Variants in PKNOX2 observed in about 807,000 individuals in gnomAD.
The protein encoded by PKNOX2 is PBX/knotted 1 homeobox 2, also known as homeobox protein PKNOX2.
PKNOX2 carries 14 observed loss-of-function variants against 53.1 expected under a neutral mutation model. The ratio of observed to expected loss-of-function variants is 0.26; its 90% CI spans 0.17 to 0.41. The LOEUF (loss-of-function observed/expected upper bound fraction) is 0.41. PKNOX2 is among the 10% of genes least tolerant of loss of function. PKNOX2 has a pLI of 1.00. For synonymous variants in PKNOX2, 257 were observed against 242.8 expected (o/e 1.06, Z -0.54); for missense variants, 496 against 602.8 (o/e 0.82, Z 1.85).
At chr11:125,176,496 G>A (rs532092715) in intron 1 of PKNOX2, among the ~76,000 whole-genome samples, 9 of 152,350 alleles carry the variant, frequency 5.9e-5, no homozygotes, top group Admixed American at 3.3e-4. Flanking sequence ...CCAGGAAGCC[G>A]TGAGGGCCTC....
intron 1 of PKNOX2, among the ~76,000 whole-genome samples, chr11:125,210,837 G>A (rs748619718): frequency 2.0e-5 from 3 of 152,104 alleles, no homozygotes; most frequent in Non-Finnish European, 4.4e-5. Context: ...CTTTACAGGG[G>A]TAAAAGGATA....
At chr11:125,289,267 A>G (rs553856198) in intron 2 of PKNOX2, among the ~76,000 whole-genome samples, 5 of 152,186 alleles carry the variant, frequency 3.3e-5, no homozygotes, top group Non-Finnish European at 7.3e-5. Context: ...GCCTCCCCTC[A>G]TGACTGACTG....
chr11:125,211,668 C>T (rs979720773), intron 1 of PKNOX2, among the ~76,000 whole-genome samples: 1 of 152,094 alleles, frequency 6.6e-6, no homozygotes, highest in African/African-American at 2.4e-5. Flanking sequence ...GCTTCCAGCT[C>T]AGGCCCAGCT....
intron 2 of PKNOX2, among the ~76,000 whole-genome samples, chr11:125,238,483 C>T (rs988477792): frequency 6.6e-6 from 1 of 152,100 alleles, no homozygotes; most frequent in African/African-American, 2.4e-5. Context: ...AAGAGGAATA[C>T]CCTAGGAAGT....
rs762099105 is a variant in PKNOX2, at chr11:125,431,343, C to T, written c.1370C>T (p.Thr457Met). Residue 457 changes from threonine to methionine, a missense_variant, in exon 13 of 13, where the codon ACG (threonine) becomes ATG (methionine). Physicochemically the swap from Thr to Met is moderately conservative, Grantham distance 81. Around this residue, in one of 5 missense-constraint regions of PKNOX2, gnomAD observed 139 missense variants for 161.3 expected, o/e 0.86. Coordinates refer to ENST00000298282, the MANE Select transcript of PKNOX2 (RefSeq NM_001382323.2). ...ELEEEVDELQ[T>M]TNVSDLGLEH... ...GAGGAGGAGGTCGACGAGCTGCAGA[C>T]GACAAATGTCAGCGACCTGGGCTTG... 36 of 1,613,436 alleles carry T rather than the reference C, an allele frequency of 2.2e-5. No homozygotes were observed. The highest frequency in any genetic ancestry group is 1.6e-4 in the Middle Eastern group (1 of 6,082).
At chr11:125,313,705 C>T (rs957061773) in intron 2 of PKNOX2, among the ~76,000 whole-genome samples, 1 of 152,140 alleles carries the variant, frequency 6.6e-6, no homozygotes, top group Non-Finnish European at 1.5e-5. Context: ...TACTGTCTAA[C>T]GTGGCAGCTG....
intron 2 of PKNOX2, among the ~76,000 whole-genome samples, chr11:125,273,167 G>A (rs1429150542): frequency 1.3e-5 from 2 of 152,218 alleles, no homozygotes; most frequent in African/African-American, 2.4e-5. Context: ...CAGGCTCAGA[G>A]TTCAGGGATG....
chr11:125,429,938 A>ACCTCT, intron 11 of PKNOX2, 25 bp from the exon 12 acceptor site: 1 of 1,608,354 alleles, frequency 6.2e-7, no homozygotes, highest in Non-Finnish European at 8.5e-7. Context: ...ATGACTAACC[A>ACCTCT]GGTCTCCACT....
chr11:125,429,203 C>T (rs1423415246), intron 11 of PKNOX2, 115 bp downstream of exon 11: 9 of 1,017,760 alleles, frequency 8.8e-6, no homozygotes, highest in Non-Finnish European at 1.3e-5. Context: ...AATCTCAGCC[C>T]AGCTACCATG....
intron 2 of PKNOX2, among the ~76,000 whole-genome samples, chr11:125,279,070 G>A (rs891869398): frequency 6.6e-6 from 1 of 152,214 alleles, no homozygotes; most frequent in African/African-American, 2.4e-5. Context: ...CTGGCTTGGC[G>A]GGACTATTGG....
At chr11:125,279,190 G>T (rs1345749718) in intron 2 of PKNOX2, among the ~76,000 whole-genome samples, 1 of 152,182 alleles carries the variant, frequency 6.6e-6, no homozygotes, top group African/African-American at 2.4e-5. Context: ...TGCCTGTGTG[G>T]CAACATGTAG....
In PKNOX2 at chr11:125,429,219, C is replaced by G. The variant is rs1443779271; in HGVS notation, c.1013+131C>G. ...ATCTCAGCCCAGCTACCATGCCAGT[C>G]CCCCCATTTAGGCTAGAAGCAGAAA... On this transcript the variant is annotated intron_variant, in intron 11 of 12. Coordinates refer to ENST00000298282, the MANE Select transcript of PKNOX2 (RefSeq NM_001382323.2). 2.2e-5 allele frequency: 19 copies of G among 867,246 alleles called. No homozygotes were observed. The East Asian group carries it at 5.2e-4, about 24-fold the overall frequency. The allele number at this position is 867,246 out of a possible 1,614,324, so 53.7% of individuals were successfully genotyped here.
chr11:125,317,986 G>T (rs1486228379), intron 2 of PKNOX2, among the ~76,000 whole-genome samples: 1 of 152,162 alleles, frequency 6.6e-6, no homozygotes. Flanking sequence ...AGGTCTTCTG[G>T]ATAACTTGAT....
At chr11:125,249,219 T>C (rs1228939788) in intron 2 of PKNOX2, among the ~76,000 whole-genome samples, 1 of 151,984 alleles carries the variant, frequency 6.6e-6, no homozygotes, top group Non-Finnish European at 1.5e-5. Context: ...TATGTGTGGC[T>C]GGACTCATAC....
chr11:125,431,304 A>T lies in PKNOX2; in HGVS notation c.1331A>T (p.Glu444Val). The T allele has an allele frequency of 6.2e-7, 1 of 1,613,468 alleles. No individual in the cohort carries two copies. Among genetic ancestry groups the T allele is most frequent in the Middle Eastern group, 1.6e-4 (1 of 6,062 alleles). Residue 444 changes from glutamate (E) to valine (V), a missense_variant, in exon 13 of 13, where the codon GAG (glutamate) becomes GTG (valine). By Grantham distance (121) the Glu-to-Val change is moderately radical. Coordinates refer to ENST00000298282, the MANE Select transcript of PKNOX2 (RefSeq NM_001382323.2). Reference sequence around the variant, plus strand: ...GATGAGGATGAGATGGAAGAGGAGGAGGAGGAGGAGCTGGAGGAGGAGGTC... The same window carrying T: ...GATGAGGATGAGATGGAAGAGGAGGTGGAGGAGGAGCTGGAGGAGGAGGTC... ...EEDEDEMEEE[E>V]EEELEEEVDE...
chr11:125,282,011 G>A (rs1946591150), intron 2 of PKNOX2, among the ~76,000 whole-genome samples: 2 of 152,338 alleles, frequency 1.3e-5, no homozygotes, highest in South Asian at 2.1e-4. Context: ...AGGACAAGGT[G>A]CAGCTGCTGC....
intron 1 of PKNOX2, among the ~76,000 whole-genome samples, chr11:125,181,519 G>C (rs1394977513): frequency 9.2e-5 from 14 of 152,208 alleles, no homozygotes; most frequent in Admixed American, 9.2e-4. Context: ...ACTTGTGGTA[G>C]GGAGGAGTCT....
At chr11:125,416,289 C>T (rs1010452775) in intron 10 of PKNOX2, among the ~76,000 whole-genome samples, 2 of 109,778 alleles carry the variant, frequency 1.8e-5, no homozygotes, top group Admixed American at 2.7e-4. Flanking sequence ...GGCGACAGAG[C>T]GAGACGCCGT....
chr11:125,247,334 C>T (rs190698408), intron 2 of PKNOX2, among the ~76,000 whole-genome samples: 1 of 152,316 alleles, frequency 6.6e-6, no homozygotes, highest in Non-Finnish European at 1.5e-5. Flanking sequence ...GGCTCATCTT[C>T]CTTGAGCTCA....
Sources: allele counts gnomAD v4.1 joint callset (sites outside exome capture counted in the v4.1 genomes callset), GRCh38; gene constraint gnomAD v4.1.1; regional missense constraint gnomAD v4.1.1; transcripts MANE v1.5; gene names NCBI Gene and HGNC (gene_info 2026-07-23, HGNC 2026-07-21).